Variants in NCOA2 observed in about 807,000 individuals in gnomAD.
NCOA2 encodes the protein class E basic helix-loop-helix protein 75.
In NCOA2, 21 loss-of-function variants were observed where a neutral mutation model predicts 145.1. That is an observed-to-expected ratio of 0.14 (90% CI 0.10 to 0.21). The LOEUF (loss-of-function observed/expected upper bound fraction) is 0.21, where lower values mean the gene tolerates loss of function less well. Among genes scored for constraint, NCOA2 ranks in the 10% least tolerant of loss-of-function variants. The pLI, the probability that NCOA2 is intolerant of heterozygous loss-of-function variation, is 1.00. For missense variants in NCOA2, 1,472 were observed against 1,837.6 expected, an observed-to-expected ratio of 0.80 and a Z score of 3.64; for synonymous variants, 619 against 637.5, an observed-to-expected ratio of 0.97 and a Z score of 0.44.
intron 1 of NCOA2, among the ~76,000 whole-genome samples, chr8:70,331,936 T>G (rs1011847241): frequency 6.6e-5 from 10 of 152,138 alleles, no homozygotes; most frequent in Non-Finnish European, 1.5e-4. Context: ...GCTGAAAATG[T>G]TAGAATGCAA....
At chr8:70,154,351 G>A (rs1036009503) in intron 11 of NCOA2, among the ~76,000 whole-genome samples, 20 of 152,308 alleles carry the variant, frequency 1.3e-4, no homozygotes, top group African/African-American at 4.6e-4. Context: ...TTTGATCATT[G>A]ATTCCCTAGG....
intron 2 of NCOA2, among the ~76,000 whole-genome samples, chr8:70,265,279 A>C (rs1253624222): frequency 6.6e-6 from 1 of 152,196 alleles, no homozygotes; most frequent in Non-Finnish European, 1.5e-5. Context: ...TGCAGCAAGA[A>C]GGCCACCATG....
chr8:70,161,225 C>T (rs957749850), intron 9 of NCOA2, among the ~76,000 whole-genome samples: 1 of 152,186 alleles, frequency 6.6e-6, no homozygotes, highest in Non-Finnish European at 1.5e-5. Context: ...AGTGCAGTGC[C>T]TGATCCATCT....
the NCOA2 span, among the ~76,000 whole-genome samples, chr8:70,452,870 G>C: frequency 1.3e-5 from 2 of 152,170 alleles, no homozygotes; most frequent in Middle Eastern, 3.2e-3. Flanking sequence ...AGGAAGTAAA[G>C]ATTACAAAGA....
At chr8:70,379,331 GT>G (rs1811971734) in intron 1 of NCOA2, among the ~76,000 whole-genome samples, 1 of 152,114 alleles carries the variant, frequency 6.6e-6, no homozygotes, top group South Asian at 2.1e-4. Context: ...CAAACCCTAT[GT>G]TTTAGAAATA....
chr8:70,166,684 T>C lies in NCOA2; in HGVS notation c.612A>G (p.Val204=). 2 of 1,614,042 alleles carry C rather than the reference T, an allele frequency of 1.2e-6. No homozygotes were observed. Among genetic ancestry groups the C allele is most frequent in the Non-Finnish European group, 8.5e-7 (1 of 1,179,882 alleles). Residue 204 remains valine (V), a synonymous_variant, in exon 7 of 23, where the codon GTA becomes GTG. Coordinates refer to ENST00000452400, the MANE Select transcript of NCOA2 (RefSeq NM_006540.4). ...CCTCTTCTGAATCAGGTAAAGGTTT[T>C]ACCAGCATCCGACAATTGAAGGTAT... ...NSHTFNCRML[V]KPLPDSEEEG...
intron 10 of NCOA2, among the ~76,000 whole-genome samples, chr8:70,158,587 G>A (rs1812532548): frequency 6.6e-6 from 1 of 152,054 alleles, no homozygotes; most frequent in East Asian, 1.9e-4. Flanking sequence ...CAGCAATTTG[G>A]GAGGCCAAGG....
At chr8:70,160,921 G>A (rs1421835714) in intron 9 of NCOA2, among the ~76,000 whole-genome samples, 1 of 152,154 alleles carries the variant, frequency 6.6e-6, no homozygotes, top group Non-Finnish European at 1.5e-5. Flanking sequence ...TGACATAAAT[G>A]TAATTTTTTA....
At chr8:70,143,018 C>A (rs1449373599) in intron 13 of NCOA2, among the ~76,000 whole-genome samples, 1 of 150,206 alleles carries the variant, frequency 6.7e-6, no homozygotes, top group Admixed American at 6.6e-5. Context: ...GGTATGATCT[C>A]GGCTCACTAC....
chr8:70,126,817 G>A lies in NCOA2; in HGVS notation c.3912C>T (p.Asn1304=). The A allele has an allele frequency of 6.2e-7, 1 of 1,613,670 alleles. No individual in the cohort carries two copies. ...GTGGGGATCTAAGTCCAGTACCGTA[G>A]TTTGGAGGAAATGGAAACTGCTGTG... ...ANAQQFPFPP[N]YGISQQPDPG... is the part of the protein sequence containing the mutation. Residue 1304 remains asparagine (N), a synonymous_variant, in exon 19 of 23, where the codon AAC becomes AAT. Coordinates refer to ENST00000452400, the MANE Select transcript of NCOA2 (RefSeq NM_006540.4).
At chr8:70,445,596 C>G in the NCOA2 span, among the ~76,000 whole-genome samples, 9 of 152,264 alleles carry the variant, frequency 5.9e-5, no homozygotes, top group South Asian at 1.7e-3. Flanking sequence ...TGCCCCAAGA[C>G]CCCCCACGCC....
At chr8:70,236,181 T>TA (rs1821588831) in intron 2 of NCOA2, among the ~76,000 whole-genome samples, 1 of 152,322 alleles carries the variant, frequency 6.6e-6, no homozygotes, top group East Asian at 1.9e-4. Flanking sequence ...TCTCTCCTCT[T>TA]ATCACTTTGC....
chr8:70,380,688 A>T (rs1812108654), intron 1 of NCOA2, among the ~76,000 whole-genome samples: 1 of 152,122 alleles, frequency 6.6e-6, no homozygotes, highest in Non-Finnish European at 1.5e-5. Context: ...GCTACCACGG[A>T]ACAAAAATTT....
At chr8:70,144,281 C>T (rs967907652) in intron 13 of NCOA2, among the ~76,000 whole-genome samples, 1 of 152,144 alleles carries the variant, frequency 6.6e-6, no homozygotes, top group Non-Finnish European at 1.5e-5. Flanking sequence ...TGAAATTCTC[C>T]AAACACAAAT....
At chr8:70,216,483 CTG>C (rs1253565912) in intron 3 of NCOA2, among the ~76,000 whole-genome samples, 175 bp downstream of exon 3, 3 of 152,292 alleles carry the variant, frequency 2.0e-5, no homozygotes, top group African/African-American at 7.2e-5. Flanking sequence ...AGAATACAAT[CTG>C]TAACTGATTT....
chr8:70,391,406 G>C (rs532914205), intron 1 of NCOA2, among the ~76,000 whole-genome samples: 2 of 152,254 alleles, frequency 1.3e-5, no homozygotes, highest in Admixed American at 1.3e-4. Flanking sequence ...AATGTCTCAT[G>C]GTCAGATACT....
intron 1 of NCOA2, among the ~76,000 whole-genome samples, chr8:70,341,082 GAAAA>G (rs3085558): frequency 9.5e-6 from 1 of 105,062 alleles, no homozygotes; most frequent in South Asian, 3.8e-4. Flanking sequence ...TTAAAAAGTT[GAAAA>G]AAAAAAAAAA....
At chr8:70,255,804 G>A (rs1367557954) in intron 2 of NCOA2, among the ~76,000 whole-genome samples, 1 of 152,174 alleles carries the variant, frequency 6.6e-6, no homozygotes, top group Admixed American at 6.5e-5. Flanking sequence ...GCACCAAGGT[G>A]AGAGTCGGGG....
the NCOA2 span, among the ~76,000 whole-genome samples, chr8:70,447,786 G>T: frequency 6.6e-6 from 1 of 150,792 alleles, no homozygotes; most frequent in South Asian, 2.1e-4. Flanking sequence ...CCAGGCTCAG[G>T]TGATCCTCCC....
Sources: allele counts gnomAD v4.1 joint callset (sites outside exome capture counted in the v4.1 genomes callset), GRCh38; gene constraint gnomAD v4.1.1; transcripts MANE v1.5; gene names NCBI Gene and HGNC (gene_info 2026-07-23, HGNC 2026-07-21).